USP12: variants seen among roughly 807,000 people sequenced by gnomAD.
USP12 encodes ubiquitin specific peptidase 12, also known as ubiquitin carboxyl-terminal hydrolase 12.
Under a neutral mutation model 45.5 loss-of-function variants are expected in USP12, and 19 were observed. The observed-to-expected ratio is 0.42, with a 90% CI of 0.29 to 0.61. The LOEUF (loss-of-function observed/expected upper bound fraction) is 0.61, where lower values mean the gene tolerates loss of function less well. Among genes scored for constraint, USP12 ranks in the 20% least tolerant of loss-of-function variants. The pLI is 0.22. For missense variants in USP12, 242 were observed against 447.7 expected, an observed-to-expected ratio of 0.54 and a Z score of 4.15; for synonymous variants, 149 against 148.8, an observed-to-expected ratio of 1.00 and a Z score of -0.01.
At chr13:27,135,503 A>T (rs974457396) in intron 1 of USP12, among the ~76,000 whole-genome samples, 2 of 152,146 alleles carry the variant, frequency 1.3e-5, no homozygotes, top group Non-Finnish European at 2.9e-5. Flanking sequence ...ACTTGAGGCC[A>T]GGAGTTCGAG....
At chr13:27,136,435 T>G (rs1876808775) in intron 1 of USP12, among the ~76,000 whole-genome samples, 1 of 151,972 alleles carries the variant, frequency 6.6e-6, no homozygotes, top group South Asian at 2.1e-4. Flanking sequence ...GAGGCGGAGG[T>G]TGCAGGGAAC....
In USP12 at chr13:27,086,188, AAAAAAAAAAAT is replaced by A. The variant is rs1215480597; in HGVS notation, c.734+3684_734+3694del. ...TTTTGTCTCTTTAAAAAAAAAAAAA[AAAAAAAAAAAT>A]ATATATATATATATATATATGCGCA... On this transcript the variant is annotated intron_variant, in intron 6 of 8. Coordinates refer to ENST00000282344, the MANE Select transcript of USP12 (RefSeq NM_182488.4). Among the ~76,000 whole-genome samples the A allele has an allele frequency of 1.3e-3, 135 of 101,210 alleles. 3 individuals carry two copies. Among genetic ancestry groups the A allele is most frequent in the African/African-American group, 3.4e-3 (89 of 26,142 alleles). The allele number at this position is 101,210 out of a possible 152,430, so 66.4% of individuals were successfully genotyped here.
intron 2 of USP12, 32 bp downstream of exon 2, chr13:27,116,484 A>G (rs773406156): frequency 6.3e-6 from 10 of 1,598,432 alleles, no homozygotes; most frequent in South Asian, 1.1e-5. Flanking sequence ...GCTTCCGAAC[A>G]TGATTCTAAA....
rs1272527014 is a variant in USP12 at position 27,069,349 on chromosome 13, C to A, written c.1047G>T (p.Gly349=). 1.9e-6 allele frequency: 3 copies of A among 1,612,982 alleles called. No homozygotes were observed. Among genetic ancestry groups the A allele is most frequent in the Admixed American group, 1.7e-5 (1 of 60,000 alleles). The part of the protein sequence containing the change: ...IDAQAIEEFY[G]LTSDISKNSE... Reference sequence around the variant, plus strand: ...AGTTCTTTGAGATATCTGATGTCAACCCGTAGAATTCTTCAATAGCTTGTG... The same window carrying A: ...AGTTCTTTGAGATATCTGATGTCAAACCGTAGAATTCTTCAATAGCTTGTG... Residue 349 remains glycine (G), a synonymous_variant, in exon 9 of 9, where the codon GGG becomes GGT. Coordinates refer to ENST00000282344, the MANE Select transcript of USP12 (RefSeq NM_182488.4).
At chr13:27,140,883 G>C (rs1877021056) in intron 1 of USP12, among the ~76,000 whole-genome samples, 1 of 151,456 alleles carries the variant, frequency 6.6e-6, no homozygotes, top group African/African-American at 2.4e-5. Context: ...GAGTATTACT[G>C]AACTTCAGAA....
intron 2 of USP12, among the ~76,000 whole-genome samples, chr13:27,109,299 A>T (rs772899656): frequency 6.6e-6 from 1 of 152,238 alleles, no homozygotes; most frequent in Admixed American, 6.5e-5. Flanking sequence ...GCTCAAGTGA[A>T]CAACTGAATA....
intron 1 of USP12, among the ~76,000 whole-genome samples, chr13:27,133,900 G>A (rs938883853): frequency 6.6e-6 from 1 of 152,234 alleles, no homozygotes; most frequent in Non-Finnish European, 1.5e-5. Context: ...GGGAGGTCAA[G>A]GCAATAGGAT....
chr13:27,091,490 C>T (rs1354379483), intron 4 of USP12, among the ~76,000 whole-genome samples: 3 of 152,142 alleles, frequency 2.0e-5, no homozygotes, highest in East Asian at 1.9e-4. Context: ...TGGTGCCAAG[C>T]GGTCATCAAG....
At chr13:27,116,260 C>T (rs916705152) in intron 2 of USP12, among the ~76,000 whole-genome samples, 13 of 147,602 alleles carry the variant, frequency 8.8e-5, no homozygotes, top group African/African-American at 3.3e-4. Context: ...TGCAGTGAGC[C>T]GAGATCGCGC....
chr13:27,126,878 G>C (rs1223231960), intron 1 of USP12, among the ~76,000 whole-genome samples: 1 of 152,216 alleles, frequency 6.6e-6, no homozygotes, highest in Non-Finnish European at 1.5e-5. Flanking sequence ...TATAGAAGAT[G>C]TTCAGAACAA....
intron 6 of USP12, among the ~76,000 whole-genome samples, chr13:27,087,280 T>C (rs542629237): frequency 0.021 from 2,625 of 125,854 alleles, 35 homozygotes; most frequent in Middle Eastern, 0.037. Context: ...TGTGTGTGTG[T>C]GTGCGCGCAC....
At chr13:27,074,869 A>C (rs1014688415) in intron 7 of USP12, among the ~76,000 whole-genome samples, 1 of 152,210 alleles carries the variant, frequency 6.6e-6, no homozygotes, top group Non-Finnish European at 1.5e-5. Context: ...TAAACTCAGA[A>C]GTGATTTATT....
chr13:27,084,480 T>C (rs1009056172), intron 6 of USP12, among the ~76,000 whole-genome samples: 7 of 134,106 alleles, frequency 5.2e-5, no homozygotes, highest in Non-Finnish European at 1.1e-4. Context: ...CACTCCAGCC[T>C]GGAGAGACAG....
chr13:27,091,280 G>A (rs1296831577), intron 4 of USP12, among the ~76,000 whole-genome samples: 2 of 152,216 alleles, frequency 1.3e-5, no homozygotes, highest in Non-Finnish European at 2.9e-5. Context: ...GAATTTACAT[G>A]TAAGCTACAG....
At chr13:27,112,609 C>A (rs907572665) in intron 2 of USP12, among the ~76,000 whole-genome samples, 2 of 152,082 alleles carry the variant, frequency 1.3e-5, no homozygotes, top group Non-Finnish European at 2.9e-5. Context: ...TTAAAACAAC[C>A]TTTTAAGTTA....
chr13:27,108,682 T>C (rs1875273887), intron 2 of USP12, among the ~76,000 whole-genome samples: 1 of 152,174 alleles, frequency 6.6e-6, no homozygotes, highest in Non-Finnish European at 1.5e-5. Flanking sequence ...TTAGGCTGGG[T>C]ACAATGGCTC....
rs1873119080 is a variant in USP12, at chr13:27,069,078, A to G, written c.*205T>C. The G allele has an allele frequency of 1.7e-6, 1 of 598,826 alleles. No homozygotes were observed. Among genetic ancestry groups the G allele is most frequent in the Non-Finnish European group, 3.0e-6 (1 of 338,150 alleles). The allele number at this position is 598,826 out of a possible 1,614,324, so 37.1% of individuals were successfully genotyped here. A position where few individuals can be genotyped will look rare whatever the true frequency, so the allele number is the denominator to read the frequency against. The stretch of plus-strand genomic sequence containing the variant: ...CTCCTTGTTGTATGGAACTGTACAG[A>G]CAGCATGATACCTGAGCAAATAAAT... On this transcript the variant is annotated 3_prime_UTR_variant, in exon 9 of 9. Coordinates refer to ENST00000282344, the MANE Select transcript of USP12 (RefSeq NM_182488.4).
chr13:27,144,201 A>C (rs952712715), intron 1 of USP12, among the ~76,000 whole-genome samples: 19 of 146,534 alleles, frequency 1.3e-4, no homozygotes, highest in Admixed American at 3.4e-4. Flanking sequence ...TCTGACTCCC[A>C]AAAAAAAAAA....
At chr13:27,088,473 CTGGAAACTTGGATTT>C (rs1874171738) in intron 6 of USP12, among the ~76,000 whole-genome samples, 1 of 149,796 alleles carries the variant, frequency 6.7e-6, no homozygotes, top group Admixed American at 6.7e-5. Flanking sequence ...TTTTTAGCAT[CTGGAAACTTGGATTT>C]TGGACATGTT....
Sources: allele counts gnomAD v4.1 joint callset (sites outside exome capture counted in the v4.1 genomes callset), GRCh38; gene constraint gnomAD v4.1.1; transcripts MANE v1.5; gene names NCBI Gene and HGNC (gene_info 2026-07-23, HGNC 2026-07-21).